The following TMEM45A variants were observed in gnomAD, a reference collection of about 807,000 sequenced individuals.
TMEM45A encodes the protein DNA polymerase-transactivated protein 4.
In TMEM45A, 25 loss-of-function variants were observed where a neutral mutation model predicts 32.0. The observed-to-expected ratio is 0.78, with a 90% CI of 0.57 to 1.09. The LOEUF (loss-of-function observed/expected upper bound fraction) is 1.09, where lower values mean the gene tolerates loss of function less well. TMEM45A is among the 50% of genes least tolerant of loss of function. The pLI is 0.00. For synonymous variants in TMEM45A, 122 were observed against 114.8 expected, an observed-to-expected ratio of 1.06 and a Z score of -0.40; for missense variants, 302 against 325.0, an observed-to-expected ratio of 0.93 and a Z score of 0.54.
At chr3:100,537,885 G>A (rs1187117454) in intron 1 of TMEM45A, among the ~76,000 whole-genome samples, 1 of 152,328 alleles carries the variant, frequency 6.6e-6, no homozygotes, top group South Asian at 2.1e-4. Flanking sequence ...GGCCCACTGG[G>A]TGCCTGTGAC....
At position 100,541,302 on chromosome 3, in the gene TMEM45A, T is replaced by C. The variant is rs577750403; in HGVS notation, c.-3-13907T>C. Among the ~76,000 whole-genome samples, 5 of 152,314 alleles carry C rather than the reference T, an allele frequency of 3.3e-5. 1 individual carries two copies. In the South Asian group the frequency reaches 1.0e-3, roughly 32 times the overall value. On this transcript the variant is annotated intron_variant, in intron 1 of 5. Transcript: ENST00000323523. ...GCCTGTTTACTCTGTTGGTGGTTTA[T>C]TTTGCTCTGCAGAAGATCTTTAGTT...
chr3:100,511,701 C>G (rs545055727), intron 1 of TMEM45A, among the ~76,000 whole-genome samples: 564 of 150,536 alleles, frequency 3.7e-3, no homozygotes, highest in African/African-American at 0.013. Context: ...GAGTCAAGAC[C>G]CATCAGTGTG....
intron 1 of TMEM45A, among the ~76,000 whole-genome samples, chr3:100,529,711 C>T (rs1476537995): frequency 6.6e-6 from 1 of 152,116 alleles, no homozygotes; most frequent in Non-Finnish European, 1.5e-5. Flanking sequence ...ACCTTTGCCT[C>T]CCAGGCTCAA....
At chr3:100,534,076 A>ACTTGGAAC (rs1705698262) in intron 1 of TMEM45A, among the ~76,000 whole-genome samples, 1 of 152,156 alleles carries the variant, frequency 6.6e-6, no homozygotes, top group African/African-American at 2.4e-5. Context: ...TCCCAGGCTG[A>ACTTGGAAC]CTTGGAACCT....
Position 100,566,198 on chromosome 3 carries a change from T to C in TMEM45A, c.589-2624T>C, listed in dbSNP as rs373485938. ...TGAATATTTGGGTTGTTTTCATCTT[T>C]TGACTATTATTAATAGTTCTACTAT... On this transcript the variant is annotated intron_variant, in intron 4 of 5. Transcript: ENST00000323523. 3.9e-5 allele frequency among the ~76,000 whole-genome samples: 6 copies of C among 152,228 alleles called. No homozygotes were observed. The East Asian group carries it at 9.6e-4, about 24-fold the overall frequency.
At chr3:100,523,836 T>C (rs1306707514) in intron 1 of TMEM45A, among the ~76,000 whole-genome samples, 1 of 152,184 alleles carries the variant, frequency 6.6e-6, no homozygotes, top group Non-Finnish European at 1.5e-5. Flanking sequence ...TTCTTTCTTC[T>C]CTTTCTCCTT....
At chr3:100,549,183 G>T (rs1201800649) in intron 1 of TMEM45A, among the ~76,000 whole-genome samples, 2 of 151,538 alleles carry the variant, frequency 1.3e-5, no homozygotes, top group African/African-American at 2.4e-5. Flanking sequence ...GGAGGTGGAG[G>T]TTGCAGTGAG....
At chr3:100,510,562 C>T (rs57622549) in intron 1 of TMEM45A, among the ~76,000 whole-genome samples, 15,956 of 152,164 alleles carry the variant, frequency 0.1, 2,782 homozygotes, top group African/African-American at 0.36. Context: ...ATCAGAGCGC[C>T]TCTCCTCCTC....
chr3:100,493,593 T>G (rs759155677), intron 1 of TMEM45A, among the ~76,000 whole-genome samples: 32 of 151,676 alleles, frequency 2.1e-4, no homozygotes, highest in Non-Finnish European at 4.4e-5. Context: ...ATATATATAC[T>G]ATATAGTATA....
chr3:100,526,682 G>GA (rs1306229919), intron 1 of TMEM45A, among the ~76,000 whole-genome samples: 5 of 152,040 alleles, frequency 3.3e-5, no homozygotes, highest in African/African-American at 1.2e-4. Context: ...ATTTTAGATG[G>GA]AAAAAAATTA....
intron 1 of TMEM45A, among the ~76,000 whole-genome samples, chr3:100,504,080 C>T (rs1159793135): frequency 6.6e-6 from 1 of 152,082 alleles, no homozygotes; most frequent in Non-Finnish European, 1.5e-5. Flanking sequence ...TCTTACTGTC[C>T]ATTTGTGATC....
chr3:100,565,300 G>A (rs575998606), intron 4 of TMEM45A, among the ~76,000 whole-genome samples: 1 of 152,252 alleles, frequency 6.6e-6, no homozygotes, highest in African/African-American at 2.4e-5. Context: ...TGGTGGTACC[G>A]CCATCTGTCA....
chr3:100,549,563 A>G (rs368275985), intron 1 of TMEM45A, among the ~76,000 whole-genome samples: 2 of 152,190 alleles, frequency 1.3e-5, no homozygotes, highest in African/African-American at 4.8e-5. Context: ...TGGAGGTTCC[A>G]AAGGGTGTGT....
intron 1 of TMEM45A, among the ~76,000 whole-genome samples, chr3:100,525,598 C>T (rs1705527168): frequency 6.6e-6 from 1 of 152,200 alleles, no homozygotes; most frequent in South Asian, 2.1e-4. Flanking sequence ...TGGAAGGCCT[C>T]GCTGAGGAAG....
rs989003703 is a variant in TMEM45A at position 100,555,002 on chromosome 3, A to G, written c.-3-207A>G. ...AGAGTACATGGTAAGTATTCAACAA[A>G]TGTGAGTTTTTATTTTGTTTTTATT... On this transcript the variant is annotated intron_variant, in intron 1 of 5. Transcript: ENST00000323523. 3.3e-5 allele frequency among the ~76,000 whole-genome samples: 5 copies of G among 152,236 alleles called. No individual in the cohort carries two copies. In the South Asian group the frequency reaches 6.2e-4, roughly 19 times the overall value.
intron 1 of TMEM45A, among the ~76,000 whole-genome samples, chr3:100,546,942 G>T (rs1423475602): frequency 6.6e-6 from 1 of 152,076 alleles, no homozygotes; most frequent in African/African-American, 2.4e-5. Flanking sequence ...TATATCTATG[G>T]CAGAGATAAT....
At chr3:100,511,957 C>A in intron 1 of TMEM45A, among the ~76,000 whole-genome samples, 1 of 151,958 alleles carries the variant, frequency 6.6e-6, no homozygotes, top group Non-Finnish European at 1.5e-5. Context: ...AATACAGGAG[C>A]ACCCAGATTC....
intron 1 of TMEM45A, among the ~76,000 whole-genome samples, chr3:100,533,466 C>G (rs1705686009): frequency 6.6e-6 from 1 of 152,072 alleles, no homozygotes; most frequent in South Asian, 2.1e-4. Context: ...ACCTTTTCCA[C>G]CCCCAGCTCC....
intron 1 of TMEM45A, among the ~76,000 whole-genome samples, chr3:100,515,951 A>G (rs1708255669): frequency 1.3e-5 from 2 of 152,218 alleles, no homozygotes; most frequent in Non-Finnish European, 2.9e-5. Flanking sequence ...TATCATGAAC[A>G]ACAATATATT....
Sources: gnomAD v4.1 joint callset for allele counts (sites outside exome capture counted in the v4.1 genomes callset) on GRCh38, gnomAD v4.1.1 for gene constraint, MANE v1.5 for transcripts, NCBI Gene and HGNC (gene_info 2026-07-23, HGNC 2026-07-21) for gene names.